The following TP53BP1 variants were observed in gnomAD, a reference collection of about 807,000 sequenced individuals.
The protein encoded by TP53BP1 is tumor protein p53 binding protein 1, also known as TP53-binding protein 1.
A neutral mutation model predicts 200.8 loss-of-function variants in TP53BP1; 61 were observed. The observed-to-expected ratio is 0.30, with a 90% CI of 0.25 to 0.38. The LOEUF is 0.38. Ranked by LOEUF, TP53BP1 falls within the 10% of genes least tolerant of loss-of-function variation. The pLI, the probability that TP53BP1 is intolerant of heterozygous loss-of-function variation, is 1.00. For missense variants in TP53BP1, 2,144 were observed against 2,371.9 expected, an observed-to-expected ratio of 0.90 and a Z score of 2.00; for synonymous variants, 822 against 844.3, an observed-to-expected ratio of 0.97 and a Z score of 0.46.
At chr15:43,431,972 T>C (rs1052604920) in intron 17 of TP53BP1, among the ~76,000 whole-genome samples, 1 of 152,220 alleles carries the variant, frequency 6.6e-6, no homozygotes, top group Non-Finnish European at 1.5e-5. Flanking sequence ...TAAAAAACTG[T>C]AGCAATACTA....
At chr15:43,497,596 A>C (rs2079188931), upstream of TP53BP1, 1 of 237,384 alleles carries the variant, frequency 4.2e-6, no homozygotes, top group Admixed American at 6.5e-5. Flanking sequence ...AACCTTGAAA[A>C]CATTATGCTA....
chr15:43,448,212 G>C (rs2046087580), intron 12 of TP53BP1, among the ~76,000 whole-genome samples: 3 of 152,040 alleles, frequency 2.0e-5, no homozygotes, highest in Non-Finnish European at 2.9e-5. Context: ...AAGACATAAA[G>C]CTACTTTCTA....
chr15:43,507,366 C>T (rs1292971834), intron 1 of TP53BP1, among the ~76,000 whole-genome samples: 2 of 152,298 alleles, frequency 1.3e-5, no homozygotes, highest in Non-Finnish European at 2.9e-5. Flanking sequence ...AACTCCTGAC[C>T]TCAGGTGATC....
chr15:43,475,640 G>A lies in TP53BP1; in HGVS notation c.1010C>T (p.Ala337Val), dbSNP rs1032462040. The A allele has an allele frequency of 6.2e-7, 1 of 1,614,048 alleles. No individual in the cohort carries two copies. Residue 337 changes from alanine (A) to valine (V), a missense_variant, in exon 9 of 28, where the codon GCT becomes GTT. Ala to Val is a moderately conservative substitution (Grantham distance 64, BLOSUM62 0). This residue lies in a region of TP53BP1 where 1,700 missense variants were observed against 1,710.3 expected (regional missense o/e 0.99). Transcript: ENST00000382044. ...ATGCAGAGTGGTGGCAGGAGTGGAAGCCAAAGAACACCCACCTTCCTCCCT... is the reference window on the plus strand; with the variant it reads ...ATGCAGAGTGGTGGCAGGAGTGGAAACCAAAGAACACCCACCTTCCTCCCT... ...PSREEGGCSL[A>V]STPATTLHLL... is the part of the protein sequence containing the mutation.
At chr15:43,427,975 A>C in intron 18 of TP53BP1, 41 bp downstream of exon 18, 1 of 1,410,670 alleles carries the variant, frequency 7.1e-7, no homozygotes, top group Non-Finnish European at 9.5e-7. Context: ...AAAAAAAAAG[A>C]AAGAAAGAAA....
In TP53BP1 at chr15:43,416,482, G is replaced by A. The variant is rs180816365; in HGVS notation, c.4682-66C>T. 1.1e-5 allele frequency: 17 copies of A among 1,502,950 alleles called. No individual in the cohort carries two copies. In the Admixed American group the frequency reaches 3.2e-4, roughly 28 times the overall value. The allele number at this position is 1,502,950 out of a possible 1,614,324, so 93.1% of individuals were successfully genotyped here. A position where few individuals can be genotyped will look rare whatever the true frequency, so the allele number is the denominator to read the frequency against. On this transcript the variant is annotated intron_variant, in intron 21 of 27. Transcript: ENST00000382044. ...AGGCTCCTTAGCACCCTCTCACAAGGGCTCTGTAAAGCAGGCCTGAGTTAG... is the reference window on the plus strand; with the variant it reads ...AGGCTCCTTAGCACCCTCTCACAAGAGCTCTGTAAAGCAGGCCTGAGTTAG...
At chr15:43,462,930 A>G (rs1477239734) in intron 11 of TP53BP1, among the ~76,000 whole-genome samples, 1 of 152,062 alleles carries the variant, frequency 6.6e-6, no homozygotes, top group East Asian at 1.9e-4. Context: ...GGTGGTGTGC[A>G]CTTTTTGTCC....
In TP53BP1 at chr15:43,492,089, C is replaced by A; in HGVS notation, c.199G>T (p.Val67Leu). The A allele has an allele frequency of 6.2e-7, 1 of 1,611,650 alleles. No individual in the cohort carries two copies. Among genetic ancestry groups the A allele is most frequent in the Non-Finnish European group, 8.5e-7 (1 of 1,177,790 alleles). Reference sequence around the variant, plus strand: ...CCAGCTGTTTGTTCAGGATTGGACACAACATCCTAGAAAATACACATACAA... The same window carrying A: ...CCAGCTGTTTGTTCAGGATTGGACAAAACATCCTAGAAAATACACATACAA... ...THKENPVLDV[V>L]SNPEQTAGEE... is the part of the protein sequence containing the mutation. The change falls in exon 3 of 28, where the codon GTG becomes TTG. Residue 67 changes from valine to leucine, a missense_variant. Val to Leu is a conservative substitution (Grantham distance 32, BLOSUM62 1). This residue lies in a region of TP53BP1 where 1,700 missense variants were observed against 1,710.3 expected (regional missense o/e 0.99). Transcript: ENST00000382044.
chr15:43,504,372 T>C (rs112115664), intron 1 of TP53BP1, among the ~76,000 whole-genome samples: 121 of 152,310 alleles, frequency 7.9e-4, no homozygotes, highest in African/African-American at 2.7e-3. Context: ...ATTTAAAAGG[T>C]TGTTCCACTT....
chr15:43,423,383 C>T (rs1209505373), intron 18 of TP53BP1, among the ~76,000 whole-genome samples: 1 of 150,978 alleles, frequency 6.6e-6, no homozygotes, highest in African/African-American at 2.4e-5. Flanking sequence ...GGAGGCCAGG[C>T]ATGGTGGCTC....
At chr15:43,437,976 G>GT in intron 16 of TP53BP1, among the ~76,000 whole-genome samples, 1 of 152,302 alleles carries the variant, frequency 6.6e-6, no homozygotes, top group Middle Eastern at 3.4e-3. Flanking sequence ...TAGCTGCATC[G>GT]TAACACGGTG....
chr15:43,487,651 G>A (rs1264330061), intron 4 of TP53BP1, among the ~76,000 whole-genome samples: 2 of 152,020 alleles, frequency 1.3e-5, no homozygotes, highest in Non-Finnish European at 2.9e-5. Flanking sequence ...AAATTAGCCA[G>A]GCGTGATGGT....
chr15:43,491,605 C>G, intron 4 of TP53BP1, 64 bp downstream of exon 4: 1 of 1,206,010 alleles, frequency 8.3e-7, no homozygotes, highest in Non-Finnish European at 1.2e-6. Flanking sequence ...GATGAGGCAA[C>G]AGGTACAGAT....
intron 17 of TP53BP1, among the ~76,000 whole-genome samples, chr15:43,431,793 ACT>A (rs2045676580): frequency 6.6e-6 from 1 of 151,786 alleles, no homozygotes; most frequent in Non-Finnish European, 1.5e-5. Context: ...CTTACCTTCT[ACT>A]CTCTGAATTC....
At chr15:43,432,123 CA>C in intron 17 of TP53BP1, 70 bp downstream of exon 17, 1 of 1,542,178 alleles carries the variant, frequency 6.5e-7, no homozygotes, top group Non-Finnish European at 8.7e-7. Context: ...AGACATGCCA[CA>C]ACTTAAATTC....
rs372281177 is a variant in TP53BP1, at chr15:43,428,083, A to C, written c.3761T>G (p.Leu1254Arg). 1 of 1,613,268 alleles carries C rather than the reference A, an allele frequency of 6.2e-7. No individual in the cohort carries two copies. ...CACATCTGTAATGACACGAGTGACA[A>C]GTGTGCGTACTTCCCGGATTGTTCT... ...HMRTIREVRT[L>R]VTRVITDVYY... Residue 1254 changes from leucine to arginine, a missense_variant, in exon 18 of 28, where the codon CTT (leucine) becomes CGT (arginine). By Grantham distance (102) the Leu-to-Arg change is moderately radical. Coordinates refer to ENST00000382044, the MANE Select transcript of TP53BP1 (RefSeq NM_001141980.3).
intron 11 of TP53BP1, among the ~76,000 whole-genome samples, chr15:43,467,214 C>T (rs1169575392): frequency 6.6e-6 from 1 of 151,996 alleles, no homozygotes; most frequent in East Asian, 1.9e-4. Context: ...TACAGGCACA[C>T]ACCACCACTC....
chr15:43,447,558 C>A, intron 12 of TP53BP1, 73 bp from the exon 13 acceptor site: 1 of 1,298,898 alleles, frequency 7.7e-7, no homozygotes. Flanking sequence ...ATAAAATAAG[C>A]AAAAATAATA....
At chr15:43,407,732 T>C in intron 27 of TP53BP1, 162 bp from the exon 28 acceptor site, 3 of 795,738 alleles carry the variant, frequency 3.8e-6, no homozygotes, top group Non-Finnish European at 5.9e-6. Context: ...AGAGTTATAA[T>C]CACTATGTGC....
Sources: gnomAD v4.1 joint callset for allele counts (sites outside exome capture counted in the v4.1 genomes callset) on GRCh38, gnomAD v4.1.1 for gene constraint, gnomAD v4.1.1 regional missense constraint, MANE v1.5 for transcripts, NCBI Gene and HGNC (gene_info 2026-07-23, HGNC 2026-07-21) for gene names.